PEX5: variants seen among roughly 807,000 people sequenced by gnomAD.
PEX5 encodes peroxisomal biogenesis factor 5, also known as PTS1 receptor.
A neutral mutation model predicts 82.9 loss-of-function variants in PEX5; 52 were observed. That is an observed-to-expected ratio of 0.63 (90% confidence interval 0.50 to 0.79). PEX5 has a LOEUF of 0.79. Among genes scored for constraint, PEX5 ranks in the 30% least tolerant of loss-of-function variants. The pLI, the probability that PEX5 is intolerant of heterozygous loss-of-function variation, is 0.00. For synonymous variants in PEX5, 300 were observed against 318.8 expected, an observed-to-expected ratio of 0.94 and a Z score of 0.63; for missense variants, 719 against 815.2, an observed-to-expected ratio of 0.88 and a Z score of 1.44.
chr12:7,212,462 CAGAAAAAAA>C (rs1161249927), downstream of PEX5, among the ~76,000 whole-genome samples: 2 of 6,796 alleles, frequency 2.9e-4, no homozygotes, highest in East Asian at 8.9e-3. Flanking sequence ...CAAAAGCTGC[CAGAAAAAAA>C]AAAAAAAAAA....
chr12:7,188,776 C>T (rs941036229), upstream of PEX5: 1 of 152,590 alleles, frequency 6.6e-6, no homozygotes, highest in African/African-American at 2.4e-5. Context: ...TTGCTCTTCT[C>T]CATGACACTA....
chr12:7,216,814 C>G (rs1328105068), intron 17 of PEX5, among the ~76,000 whole-genome samples: 1 of 152,120 alleles, frequency 6.6e-6, no homozygotes, highest in Non-Finnish European at 1.5e-5. Flanking sequence ...TTTCTTGTAA[C>G]ACAGCAGGGA....
intron 8 of PEX5, 29 bp downstream of exon 8, chr12:7,202,380 T>C: frequency 6.2e-7 from 1 of 1,613,308 alleles, no homozygotes; most frequent in Non-Finnish European, 8.5e-7. Context: ...CCAGTCCCAC[T>C]TCAGAGCCAG....
At chr12:7,190,797 G>A in intron 2 of PEX5, 91 bp from the exon 3 acceptor site, 1 of 1,369,948 alleles carries the variant, frequency 7.3e-7, no homozygotes, top group South Asian at 1.2e-5. Context: ...TTTTATAGAT[G>A]AAGAAGCCGA....
intron 5 of PEX5, among the ~76,000 whole-genome samples, chr12:7,192,773 G>A (rs1941391080): frequency 6.6e-6 from 1 of 152,106 alleles, no homozygotes; most frequent in Admixed American, 6.6e-5. Context: ...GTTTGCTACA[G>A]ATTTCAAGGT....
At chr12:7,191,542 C>A in intron 4 of PEX5, 27 bp from the exon 5 acceptor site, 1 of 1,613,346 alleles carries the variant, frequency 6.2e-7, no homozygotes, top group Non-Finnish European at 8.5e-7. Context: ...TGTATTCTTT[C>A]TTAGTTTTCT....
intron 6 of PEX5, among the ~76,000 whole-genome samples, chr12:7,200,269 C>T (rs1349952109): frequency 3.2e-4 from 48 of 149,458 alleles, no homozygotes; most frequent in African/African-American, 1.0e-3. Context: ...GGGGCAGAGG[C>T]GCTCCTCACA....
chr12:7,200,228 G>C (rs1334873357), intron 6 of PEX5, among the ~76,000 whole-genome samples: 2 of 151,388 alleles, frequency 1.3e-5, no homozygotes, highest in Admixed American at 6.6e-5. Flanking sequence ...CGGCCAGGCA[G>C]AGGCGCTCCT....
intron 12 of PEX5, 100 bp downstream of exon 12, chr12:7,208,180 G>C (rs775402277): frequency 2.1e-4 from 187 of 897,876 alleles, no homozygotes; most frequent in Non-Finnish European, 3.1e-4. Flanking sequence ...TTCTTTCTGA[G>C]TGCTATCAAG....
At chr12:7,202,142 G>T (rs1205563902) in intron 7 of PEX5, 99 bp from the exon 8 acceptor site, 4 of 1,577,576 alleles carry the variant, frequency 2.5e-6, no homozygotes, top group Non-Finnish European at 3.5e-6. Flanking sequence ...GCTAGAGATG[G>T]TCAGGGGAGG....
In PEX5 at chr12:7,207,553, C is replaced by G. The variant is rs138903727; in HGVS notation, c.967-106C>G. 2.3e-4 allele frequency: 250 copies of G among 1,070,540 alleles called. 2 individuals carry two copies. In the East Asian group the frequency reaches 5.2e-3, roughly 22 times the overall value. 66.3% of individuals were successfully genotyped at this position (1,070,540 alleles called of 1,614,324 possible). ...ATTTGCCAGCAATTAATTCCGGAACCTGTTTGGAGGCCCTCAGCTTCTCTG... is the reference window on the plus strand; with the variant it reads ...ATTTGCCAGCAATTAATTCCGGAACGTGTTTGGAGGCCCTCAGCTTCTCTG... On this transcript the variant is annotated intron_variant, in intron 10 of 15. Coordinates refer to ENST00000675855, the MANE Select transcript of PEX5 (RefSeq NM_001351132.2).
chr12:7,201,706 G>T (rs758640495), intron 6 of PEX5, 45 bp from the exon 7 acceptor site: 10 of 1,323,828 alleles, frequency 7.6e-6, no homozygotes, highest in Non-Finnish European at 1.1e-5. Flanking sequence ...GCATGGGGAG[G>T]GTGATGGCAG....
chr12:7,190,216 G>A (rs990965394), intron 1 of PEX5, 146 bp from the exon 2 acceptor site: 293 of 1,577,924 alleles, frequency 1.9e-4, no homozygotes, highest in Non-Finnish European at 2.4e-4. Context: ...TCCTGGCAGA[G>A]GTGGGGGTCG....
chr12:7,192,369 C>T (rs978489889), intron 5 of PEX5, among the ~76,000 whole-genome samples: 2 of 152,196 alleles, frequency 1.3e-5, no homozygotes, highest in African/African-American at 4.8e-5. Context: ...ATTCCTGACC[C>T]TGTGGCCTTA....
chr12:7,189,766 CGAGG>C lies in PEX5; in HGVS notation c.-17+18_-17+21del. 6.4e-6 allele frequency: 3 copies of C among 468,578 alleles called. No individual in the cohort carries two copies. Among genetic ancestry groups the C allele is most frequent in the Non-Finnish European group, 9.9e-6 (3 of 303,874 alleles). 29.0% of individuals were successfully genotyped at this position (468,578 alleles called of 1,614,324 possible). A position where few individuals can be genotyped will look rare whatever the true frequency, so the allele number is the denominator to read the frequency against. Reference sequence around the variant, plus strand: ...GCGCTCCGCGGTGAGCGCCTGACCCCGAGGGGGCCCGGGGCCGCGTCCCTGGGCC... The same window carrying C: ...GCGCTCCGCGGTGAGCGCCTGACCCCGGGCCCGGGGCCGCGTCCCTGGGCC... On this transcript the variant is annotated intron_variant, in intron 1 of 15. Coordinates refer to ENST00000675855, the MANE Select transcript of PEX5 (RefSeq NM_001351132.2).
intron 9 of PEX5, 42 bp from the exon 10 acceptor site, chr12:7,203,390 A>T: frequency 6.3e-7 from 1 of 1,587,664 alleles, no homozygotes; most frequent in Non-Finnish European, 8.6e-7. Context: ...TGGGGTGGTC[A>T]TGATGGATCT....
Position 7,203,522 on chromosome 12 carries a change from G to C in PEX5, c.937G>C (p.Asp313His). The C allele has an allele frequency of 6.2e-7, 1 of 1,614,002 alleles. No homozygotes were observed. Among genetic ancestry groups the C allele is most frequent in the South Asian group, 1.1e-5 (1 of 91,036 alleles). The change falls in exon 10 of 16, where the codon GAT becomes CAT. Residue 313 changes from aspartate (D) to histidine (H), a missense_variant. Asp to His is a moderately conservative substitution (Grantham distance 81). Transcript: ENST00000675855. Reference sequence around the variant, plus strand: ...GGCCCACCCCTGGCTTTCTGACTATGATGACCTTACGTCAGCTACCTATGA... The same window carrying C: ...GGCCCACCCCTGGCTTTCTGACTATCATGACCTTACGTCAGCTACCTATGA... ...AEAHPWLSDY[D>H]DLTSATYDKG...
chr12:7,213,441 C>T (rs1945683612), downstream of PEX5, among the ~76,000 whole-genome samples: 1 of 77,916 alleles, frequency 1.3e-5, no homozygotes, highest in Admixed American at 1.6e-4. Flanking sequence ...CTACAACTAT[C>T]TGATCTTTGA....
In PEX5 at chr12:7,200,860, G is replaced by A. The variant is rs748367265; in HGVS notation, c.552-891G>A. ...CAGCAGTACAGTCCAGCTTCGGCTCGGCATCAGAGGGAGACCGTGGAAAGA... is the reference window on the plus strand; with the variant it reads ...CAGCAGTACAGTCCAGCTTCGGCTCAGCATCAGAGGGAGACCGTGGAAAGA... On this transcript the variant is annotated intron_variant, in intron 6 of 15. Coordinates refer to ENST00000675855, the MANE Select transcript of PEX5 (RefSeq NM_001351132.2). Among the ~76,000 whole-genome samples, 20 of 152,220 alleles carry A rather than the reference G, an allele frequency of 1.3e-4. 1 individual carries two copies. In the South Asian group the frequency reaches 3.3e-3, roughly 25 times the overall value.
Sources: gnomAD v4.1 joint callset for allele counts (sites outside exome capture counted in the v4.1 genomes callset) on GRCh38, gnomAD v4.1.1 for gene constraint, MANE v1.5 for transcripts, NCBI Gene and HGNC (gene_info 2026-07-23, HGNC 2026-07-21) for gene names.